The following SRA1 variants were observed in gnomAD, a reference collection of about 807,000 sequenced individuals.
The protein encoded by SRA1 is steroid receptor RNA activator 1, also known as lncRNA SRA.
In SRA1, 25 loss-of-function variants were observed where a neutral mutation model predicts 24.3. The ratio of observed to expected loss-of-function variants is 1.03; its 90% CI spans 0.75 to 1.43. SRA1 has a LOEUF of 1.43. Among genes scored for constraint, SRA1 ranks in the 40% most tolerant of loss-of-function variants. The probability of loss-of-function intolerance (pLI) is 0.00; values close to 1 mark genes in which losing one functional copy is unlikely to be tolerated. For synonymous variants in SRA1, 104 were observed against 109.5 expected (o/e 0.95, Z 0.31); for missense variants, 303 against 286.6 (o/e 1.06, Z -0.41).
chr5:140,556,327 G>A (rs934550660), intron 2 of SRA1, among the ~76,000 whole-genome samples: 4 of 152,148 alleles, frequency 2.6e-5, no homozygotes, highest in African/African-American at 9.7e-5. Flanking sequence ...AAATTCTCGG[G>A]GGGAAAGGTG....
At chr5:140,557,551 A>C, upstream of SRA1, 1 of 1,413,386 alleles carries the variant, frequency 7.1e-7, no homozygotes, top group Non-Finnish European at 9.5e-7. Flanking sequence ...GGTTGCCGGA[A>C]TCCGTGGAGG....
chr5:140,556,478 T>A (rs913368956), intron 2 of SRA1, among the ~76,000 whole-genome samples: 2 of 152,250 alleles, frequency 1.3e-5, no homozygotes, highest in African/African-American at 4.8e-5. Flanking sequence ...GCCAAACTTA[T>A]TCCTTTTGCA....
At chr5:140,554,622 CT>C (rs1190078612) in intron 2 of SRA1, among the ~76,000 whole-genome samples, 2 of 152,070 alleles carry the variant, frequency 1.3e-5, no homozygotes, top group African/African-American at 4.8e-5. Flanking sequence ...TCAGCTCCCC[CT>C]CTCTACTGAA....
chr5:140,552,787 T>C (rs1254039841), intron 2 of SRA1, among the ~76,000 whole-genome samples: 1 of 151,970 alleles, frequency 6.6e-6, no homozygotes, highest in Non-Finnish European at 1.5e-5. Context: ...CTACGCAATA[T>C]AGTGAGACCT....
intron 2 of SRA1, among the ~76,000 whole-genome samples, chr5:140,553,030 G>A (rs1205651091): frequency 6.6e-6 from 1 of 152,206 alleles, no homozygotes; most frequent in Non-Finnish European, 1.5e-5. Flanking sequence ...AAGTGTTCAA[G>A]GAAGGCCTTC....
In SRA1 at chr5:140,552,128, T is replaced by C. The variant is rs1293299441; in HGVS notation, c.208A>G (p.Ser70Gly). Residue 70 changes from serine (S) to glycine (G), a missense_variant, in exon 3 of 5, where the codon AGT (serine) becomes GGT (glycine). Ser to Gly is a moderately conservative substitution (Grantham distance 56). Coordinates refer to ENST00000336283, the MANE Select transcript of SRA1 (RefSeq NM_001035235.4). ...ACAGGTGGGGACCTGGGAGCCTTAC[T>C]TGAAGGAGGTGGAGGCCCCATTGGG... is the stretch of plus-strand genomic sequence containing the variant. The part of the protein sequence containing the change: ...PPPMGPPPPS[S>G]KAPRSPPVGS... The C allele has an allele frequency of 5.0e-6, 8 of 1,612,310 alleles. No homozygotes were observed. In the South Asian group the frequency reaches 5.5e-5, roughly 11 times the overall value.
chr5:140,552,687 G>T (rs1754599413), intron 2 of SRA1, among the ~76,000 whole-genome samples: 1 of 151,448 alleles, frequency 6.6e-6, no homozygotes, highest in Non-Finnish European at 1.5e-5. Context: ...AAGTAAACCA[G>T]GCCTGGGCAC....
chr5:140,558,069 T>C, upstream of SRA1: 1 of 179,576 alleles, frequency 5.6e-6, no homozygotes, highest in Admixed American at 5.6e-5. Context: ...TTTTATTACA[T>C]TCCCAGTGCC....
rs1754530829 is a variant in SRA1 at position 140,550,790 on chromosome 5, A to G, written c.585T>C (p.Ser195=). ...CATTGGCTGCCTCCTCTGAAAACAG[A>G]CTCCTCTTTTCTGCAATTAATCTTT... The part of the protein sequence containing the change: ...GVKRLIAEKR[S]LFSEEAANEE... The change falls in exon 5 of 5, where the codon AGT becomes AGC. Residue 195 remains serine, a synonymous_variant. Transcript: ENST00000336283. 1 of 1,612,958 alleles carries G rather than the reference A, an allele frequency of 6.2e-7. No individual in the cohort carries two copies. The highest frequency in any genetic ancestry group is 8.5e-7 in the Non-Finnish European group (1 of 1,179,730).
chr5:140,557,101 C>CAA, intron 2 of SRA1, 46 bp downstream of exon 2: 1 of 1,166,920 alleles, frequency 8.6e-7, no homozygotes, highest in Middle Eastern at 2.0e-4. Context: ...TTACACCCCC[C>CAA]CCCCCCCATT....
rs1306465994 is a variant in SRA1 at position 140,551,995 on chromosome 5, C to T, written c.341G>A (p.Arg114His). Residue 114 changes from arginine to histidine, a missense_variant, in exon 3 of 5, where the codon CGT becomes CAT. Transcript: ENST00000336283. ...RPLEQALEDC[R>H]GHTRKQVCDD... is the part of the protein sequence containing the mutation. ...GCCAGAGCTTACCCTTGTGTGGCCA[C>T]GGCAGTCTTCCAATGCCTGTTCCAA... 4 of 1,613,794 alleles carry T rather than the reference C, an allele frequency of 2.5e-6. No homozygotes were observed. The highest frequency in any genetic ancestry group is 1.7e-5 in the Admixed American group (1 of 59,990).
chr5:140,557,787 C>A, upstream of SRA1: 2 of 469,606 alleles, frequency 4.3e-6, no homozygotes, highest in Non-Finnish European at 7.6e-6. Context: ...GCCAGGTTGA[C>A]TTCTACAGCC....
At chr5:140,552,325 G>T (rs765686687) in intron 2 of SRA1, 141 bp from the exon 3 acceptor site, 5 of 673,040 alleles carry the variant, frequency 7.4e-6, no homozygotes, top group Non-Finnish European at 9.8e-6. Context: ...CCCACTCTAC[G>T]CCAGACAATA....
chr5:140,557,091 T>G, intron 2 of SRA1, 56 bp downstream of exon 2: 2 of 1,369,682 alleles, frequency 1.5e-6, no homozygotes, highest in Non-Finnish European at 1.9e-6. Context: ...GGCTTATGCC[T>G]TACACCCCCC....
At chr5:140,556,862 CAAAG>C (rs978464621) in intron 2 of SRA1, among the ~76,000 whole-genome samples, 1 of 151,730 alleles carries the variant, frequency 6.6e-6, no homozygotes, top group Non-Finnish European at 1.5e-5. Context: ...TATAGGTTAA[CAAAG>C]AAAAATAACT....
rs1199931371 is a variant in SRA1, at chr5:140,551,124, C to G, written c.400G>C (p.Glu134Gln). ...GACAACTTTCCTCCAGCCCACTGTT[C>G]CTGCAGCAGTGCCAGGCGTCGGCTG... Reference protein sequence around the residue: ...DISRRLALLQEQWAGGKLSIP... With the variant: ...DISRRLALLQQQWAGGKLSIP... Residue 134 changes from glutamate to glutamine, a missense_variant, in exon 4 of 5, where the codon GAA becomes CAA. By Grantham distance (29) the Glu-to-Gln change is conservative. Coordinates refer to ENST00000336283, the MANE Select transcript of SRA1 (RefSeq NM_001035235.4). 1.9e-6 allele frequency: 3 copies of G among 1,614,198 alleles called. No individual in the cohort carries two copies. Among genetic ancestry groups the G allele is most frequent in the Non-Finnish European group, 2.5e-6 (3 of 1,180,046 alleles).
chr5:140,550,450 G>A lies in SRA1; in HGVS notation c.*250C>T. 1 of 558,218 alleles carries A rather than the reference G, an allele frequency of 1.8e-6. No individual in the cohort carries two copies. Among genetic ancestry groups the A allele is most frequent in the East Asian group, 3.0e-5 (1 of 32,858 alleles). The allele number at this position is 558,218 out of a possible 1,614,324, so 34.6% of individuals were successfully genotyped here. A position where few individuals can be genotyped will look rare whatever the true frequency, so the allele number is the denominator to read the frequency against. On this transcript the variant is annotated 3_prime_UTR_variant, in exon 5 of 5. Transcript: ENST00000336283. ...ATACACAGGGAGCAGGGCAGTCGAG[G>A]ACACCAGAGGGGACTAGCTTGGCAC...
rs371996870 is a variant in SRA1 at position 140,557,219 on chromosome 5, T to A, written c.79A>T (p.Thr27Ser). ...DPPQFSYGLQ[T>S]QAGGPRRSLL... ...GAGCGCCTGGGTCCGCCGGCCTGGGTCTGCAGCCCGTATGAGAACTGCGGC... is the reference window on the plus strand; with the variant it reads ...GAGCGCCTGGGTCCGCCGGCCTGGGACTGCAGCCCGTATGAGAACTGCGGC... The change falls in exon 2 of 5, where the codon ACC (threonine) becomes TCC (serine). Residue 27 changes from threonine to serine, a missense_variant. By Grantham distance (58) the Thr-to-Ser change is moderately conservative. Transcript: ENST00000336283. 2 of 1,613,036 alleles carry A rather than the reference T, an allele frequency of 1.2e-6. No individual in the cohort carries two copies. The highest frequency in any genetic ancestry group is 2.2e-5 in the East Asian group (1 of 44,840).
chr5:140,551,984 T>C lies in SRA1; in HGVS notation c.352A>G (p.Arg118Gly). 1 of 1,613,874 alleles carries C rather than the reference T, an allele frequency of 6.2e-7. No homozygotes were observed. Among genetic ancestry groups the C allele is most frequent in the Non-Finnish European group, 8.5e-7 (1 of 1,179,844 alleles). The stretch of plus-strand genomic sequence containing the variant: ...ACCTCTGATGTGCCAGAGCTTACCC[T>C]TGTGTGGCCACGGCAGTCTTCCAAT... ...QALEDCRGHT[R>G]KQVCDDISRR... The change falls in exon 3 of 5, where the codon AGG becomes GGG. Residue 118 changes from arginine to glycine, a missense_variant and splice_region_variant. Coordinates refer to ENST00000336283, the MANE Select transcript of SRA1 (RefSeq NM_001035235.4).
Sources: gnomAD v4.1 joint callset for allele counts (sites outside exome capture counted in the v4.1 genomes callset) on GRCh38, gnomAD v4.1.1 for gene constraint, MANE v1.5 for transcripts, NCBI Gene and HGNC (gene_info 2026-07-23, HGNC 2026-07-21) for gene names.